Variants in SH3GL2 observed in about 807,000 individuals in gnomAD.
The protein encoded by SH3GL2 is endophilin-A1.
In SH3GL2, 24 loss-of-function variants were observed where a neutral mutation model predicts 46.0. The observed-to-expected ratio is 0.52, with a 90% CI of 0.38 to 0.73. The LOEUF (loss-of-function observed/expected upper bound fraction) is 0.73. Ranked by LOEUF, SH3GL2 falls within the 30% of genes least tolerant of loss-of-function variation. The pLI, the probability that SH3GL2 is intolerant of heterozygous loss-of-function variation, is 0.00. For synonymous variants in SH3GL2, 196 were observed against 147.1 expected, an observed-to-expected ratio of 1.33 and a Z score of -2.40; for missense variants, 413 against 424.2, an observed-to-expected ratio of 0.97 and a Z score of 0.23.
intron 1 of SH3GL2, among the ~76,000 whole-genome samples, chr9:17,607,467 GGTGATGA>G (rs1371711690): frequency 1.3e-5 from 2 of 152,234 alleles, no homozygotes; most frequent in South Asian, 4.1e-4. Flanking sequence ...GTGAGTGAGT[GGTGATGA>G]AATCATCTAA....
At chr9:17,773,791 A>G (rs1823563233) in intron 3 of SH3GL2, among the ~76,000 whole-genome samples, 1 of 151,920 alleles carries the variant, frequency 6.6e-6, no homozygotes, top group Non-Finnish European at 1.5e-5. Context: ...GTCCCTTGAG[A>G]TTCCATATGA....
intron 1 of SH3GL2, among the ~76,000 whole-genome samples, chr9:17,613,496 C>A (rs560007973): frequency 6.6e-6 from 1 of 152,276 alleles, no homozygotes; most frequent in East Asian, 1.9e-4. Context: ...CTGTTCCCTG[C>A]AATTCTGAAT....
intron 1 of SH3GL2, among the ~76,000 whole-genome samples, chr9:17,593,562 A>C (rs1367142959): frequency 1.3e-5 from 2 of 152,210 alleles, no homozygotes; most frequent in African/African-American, 2.4e-5. Context: ...GGACACAAGA[A>C]TGTACCAACT....
At chr9:17,794,848 C>CA (rs1296463360) in intron 8 of SH3GL2, among the ~76,000 whole-genome samples, 5 of 152,148 alleles carry the variant, frequency 3.3e-5, no homozygotes, top group Admixed American at 3.3e-4. Flanking sequence ...GTATAAATTA[C>CA]AAAATTTTTT....
At chr9:17,703,477 C>T (rs1821387590) in intron 1 of SH3GL2, among the ~76,000 whole-genome samples, 1 of 151,898 alleles carries the variant, frequency 6.6e-6, no homozygotes, top group Admixed American at 6.6e-5. Context: ...GATACCAAAA[C>T]CTGGCAGAGT....
intron 1 of SH3GL2, among the ~76,000 whole-genome samples, chr9:17,593,680 AT>A (rs1369933417): frequency 6.6e-6 from 1 of 152,156 alleles, no homozygotes; most frequent in Non-Finnish European, 1.5e-5. Context: ...ATTTAATTAT[AT>A]TTTAGAAAAA....
At chr9:17,622,338 A>G (rs1018443883) in intron 1 of SH3GL2, among the ~76,000 whole-genome samples, 1 of 152,182 alleles carries the variant, frequency 6.6e-6, no homozygotes, top group Admixed American at 6.5e-5. Flanking sequence ...ATGGGAGGAT[A>G]GCTTCCAATT....
chr9:17,646,271 C>G (rs1307605767), intron 1 of SH3GL2, among the ~76,000 whole-genome samples: 1 of 151,992 alleles, frequency 6.6e-6, no homozygotes, highest in African/African-American at 2.4e-5. Flanking sequence ...TTAGCAATTC[C>G]TCTAACCTTT....
intron 1 of SH3GL2, among the ~76,000 whole-genome samples, chr9:17,587,471 A>G (rs1818400650): frequency 6.6e-6 from 1 of 152,188 alleles, no homozygotes; most frequent in Admixed American, 6.5e-5. Context: ...CTCTTTGGGA[A>G]CGGCATAACT....
At chr9:17,657,372 G>A (rs1209492711) in intron 1 of SH3GL2, among the ~76,000 whole-genome samples, 1 of 152,166 alleles carries the variant, frequency 6.6e-6, no homozygotes, top group Non-Finnish European at 1.5e-5. Context: ...TTGTGGGCAG[G>A]TTGTCTTCTA....
At chr9:17,754,411 C>T (rs752452165) in intron 2 of SH3GL2, among the ~76,000 whole-genome samples, 12 of 152,100 alleles carry the variant, frequency 7.9e-5, no homozygotes, top group African/African-American at 2.4e-4. Flanking sequence ...CAGTGACTCA[C>T]GCCTGTAATC....
intron 1 of SH3GL2, among the ~76,000 whole-genome samples, chr9:17,591,960 A>G (rs1163410194): frequency 1.3e-5 from 2 of 152,192 alleles, no homozygotes; most frequent in Non-Finnish European, 2.9e-5. Flanking sequence ...ATAAGGGTTC[A>G]CCAGCAAAAC....
In SH3GL2 at chr9:17,656,148, T is replaced by A. The variant is rs60421701; in HGVS notation, c.45+76861T>A. On this transcript the variant is annotated intron_variant, in intron 1 of 8. Coordinates refer to ENST00000380607, the MANE Select transcript of SH3GL2 (RefSeq NM_003026.5). Reference sequence around the variant, plus strand: ...AATACTCCAATTTCTTTATTTTCTATGTAAATTGTGTTGATGGATCAGTAC... The same window carrying A: ...AATACTCCAATTTCTTTATTTTCTAAGTAAATTGTGTTGATGGATCAGTAC... Among the ~76,000 whole-genome samples, 298 of 152,352 alleles carry A rather than the reference T, an allele frequency of 2.0e-3. 1 individual carries two copies. The highest frequency in any genetic ancestry group is 6.7e-3 in the African/African-American group (279 of 41,580).
intron 1 of SH3GL2, among the ~76,000 whole-genome samples, chr9:17,600,724 G>T (rs1276191902): frequency 2.0e-5 from 3 of 152,172 alleles, no homozygotes; most frequent in Non-Finnish European, 2.9e-5. Context: ...TTTTTGTGGG[G>T]AATGGACTTT....
At chr9:17,740,323 T>C (rs778080670) in intron 1 of SH3GL2, among the ~76,000 whole-genome samples, 4 of 152,136 alleles carry the variant, frequency 2.6e-5, no homozygotes, top group African/African-American at 4.8e-5. Context: ...ATATACTGCG[T>C]AAAGTGAATC....
chr9:17,760,821 G>A (rs777236627), intron 2 of SH3GL2, among the ~76,000 whole-genome samples: 7 of 152,066 alleles, frequency 4.6e-5, no homozygotes, highest in Non-Finnish European at 7.4e-5. Flanking sequence ...GTGGGGAGAG[G>A]GGCCTGACAA....
intron 1 of SH3GL2, among the ~76,000 whole-genome samples, chr9:17,580,920 G>C (rs889565098): frequency 3.9e-5 from 6 of 152,164 alleles, no homozygotes; most frequent in East Asian, 1.9e-4. Flanking sequence ...AAGAGTCTTG[G>C]CTTTGGAGTG....
At chr9:17,744,415 G>C (rs1191223723) in intron 1 of SH3GL2, among the ~76,000 whole-genome samples, 2 of 151,540 alleles carry the variant, frequency 1.3e-5, no homozygotes, top group African/African-American at 4.9e-5. Flanking sequence ...ACCCAGGCTG[G>C]AGTGCAGTGG....
chr9:17,677,799 G>A (rs775716475), intron 1 of SH3GL2, among the ~76,000 whole-genome samples: 1 of 150,732 alleles, frequency 6.6e-6, no homozygotes, highest in Non-Finnish European at 1.5e-5. Flanking sequence ...CCCACAACAG[G>A]CCCCCGTGTG....
Sources: allele counts gnomAD v4.1 joint callset (sites outside exome capture counted in the v4.1 genomes callset), GRCh38; gene constraint gnomAD v4.1.1; transcripts MANE v1.5; gene names NCBI Gene and HGNC (gene_info 2026-07-23, HGNC 2026-07-21).